The following IQCJ variants were observed in gnomAD, a reference collection of about 807,000 sequenced individuals.
IQCJ encodes the protein IQ motif containing J, also known as IQ domain-containing protein J.
A neutral mutation model predicts 11.0 loss-of-function variants in IQCJ; 9 were observed. The ratio of observed to expected loss-of-function variants is 0.82; its 90% CI spans 0.49 to 1.43. IQCJ has a LOEUF of 1.43. IQCJ is among the 40% of genes most tolerant of loss of function. The pLI, the probability that IQCJ is intolerant of heterozygous loss-of-function variation, is 0.00. For missense variants in IQCJ, 146 were observed against 133.2 expected (o/e 1.10, Z -0.47); for synonymous variants, 55 against 51.3 (o/e 1.07, Z -0.31).
At chr3:159,256,053 GCT>G (rs1257147212) in intron 3 of IQCJ, among the ~76,000 whole-genome samples, 31 of 152,286 alleles carry the variant, frequency 2.0e-4, no homozygotes, top group African/African-American at 7.5e-4. Context: ...GCCCCAACAG[GCT>G]GCTGCCCTCC....
intron 1 of IQCJ, among the ~76,000 whole-genome samples, chr3:159,125,647 G>C (rs746640789): frequency 1.3e-5 from 2 of 152,194 alleles, no homozygotes; most frequent in African/African-American, 4.8e-5. Flanking sequence ...AGGTCACAGA[G>C]CTGGAAATGG....
intron 1 of IQCJ, among the ~76,000 whole-genome samples, chr3:159,109,432 A>G (rs1351007552): frequency 6.6e-6 from 1 of 151,692 alleles, no homozygotes; most frequent in East Asian, 1.9e-4. Flanking sequence ...CTGCATTTTA[A>G]CTCACAAATA....
chr3:159,158,880 A>G (rs1721680975), intron 1 of IQCJ, among the ~76,000 whole-genome samples: 1 of 152,194 alleles, frequency 6.6e-6, no homozygotes, highest in Admixed American at 6.5e-5. Context: ...ATCTGTTTTA[A>G]TCAGGTATGG....
intron 1 of IQCJ, among the ~76,000 whole-genome samples, chr3:159,074,587 C>T (rs553105159): frequency 1.3e-5 from 2 of 152,198 alleles, no homozygotes; most frequent in African/African-American, 4.8e-5. Flanking sequence ...GCTCGTTCAA[C>T]TCCTCAAATT....
chr3:159,255,150 C>T (rs907096138), intron 3 of IQCJ, among the ~76,000 whole-genome samples: 3 of 152,206 alleles, frequency 2.0e-5, no homozygotes, highest in Non-Finnish European at 4.4e-5. Context: ...CAGGCTTTCT[C>T]TTAGGGTCTT....
intron 1 of IQCJ, among the ~76,000 whole-genome samples, chr3:159,205,373 G>A (rs955036071): frequency 4.6e-5 from 7 of 152,184 alleles, no homozygotes; most frequent in African/African-American, 7.2e-5. Context: ...CAGCATCAAT[G>A]TGTGACAACA....
chr3:159,121,100 C>T (rs1719350165), intron 1 of IQCJ, among the ~76,000 whole-genome samples: 1 of 151,896 alleles, frequency 6.6e-6, no homozygotes, highest in Non-Finnish European at 1.5e-5. Context: ...CCAGCCTATG[C>T]TGCAAGGGAG....
chr3:159,238,041 G>A (rs1457675688), intron 1 of IQCJ, among the ~76,000 whole-genome samples: 1 of 152,130 alleles, frequency 6.6e-6, no homozygotes, highest in Non-Finnish European at 1.5e-5. Context: ...GAAGAAGGAA[G>A]CATCTGGGGT....
chr3:159,231,812 G>C (rs1229260265), intron 1 of IQCJ, among the ~76,000 whole-genome samples: 2 of 152,158 alleles, frequency 1.3e-5, no homozygotes, highest in East Asian at 1.9e-4. Context: ...TTCAGAGCTT[G>C]TTATTGGTCT....
chr3:159,127,351 T>C (rs1719735661), intron 1 of IQCJ, among the ~76,000 whole-genome samples: 1 of 152,172 alleles, frequency 6.6e-6, no homozygotes, highest in Admixed American at 6.5e-5. Context: ...TGTGGAAAGT[T>C]GGGCCAGAAA....
At chr3:159,234,790 G>A (rs1257343759) in intron 1 of IQCJ, among the ~76,000 whole-genome samples, 1 of 152,038 alleles carries the variant, frequency 6.6e-6, no homozygotes, top group Non-Finnish European at 1.5e-5. Context: ...AGGGCTGCAG[G>A]GCATTTTAGG....
intron 1 of IQCJ, among the ~76,000 whole-genome samples, chr3:159,103,200 A>G (rs1381474677): frequency 3.9e-5 from 6 of 152,188 alleles, no homozygotes; most frequent in Non-Finnish European, 7.4e-5. Flanking sequence ...TATAAACGTA[A>G]TGTTTAATGT....
intron 1 of IQCJ, among the ~76,000 whole-genome samples, chr3:159,242,809 C>T (rs1401190240): frequency 6.6e-6 from 1 of 151,626 alleles, no homozygotes; most frequent in Non-Finnish European, 1.5e-5. Flanking sequence ...TACTAAATAA[C>T]AAAAATAAAG....
At position 159,160,385 on chromosome 3, in the gene IQCJ, C is replaced by A. The variant is rs374295637; in HGVS notation, c.10-85458C>A. Among the ~76,000 whole-genome samples, 35 of 150,842 alleles carry A rather than the reference C, an allele frequency of 2.3e-4. No homozygotes were observed. In the East Asian group the frequency reaches 6.3e-3, roughly 27 times the overall value. On this transcript the variant is annotated intron_variant, in intron 1 of 3. Transcript: ENST00000397832. ...TGGTGTGATCTCGGCTCACTGCAACCTCTGCCTCTGGGGTTCAAGCCATTC... is the reference window on the plus strand; with the variant it reads ...TGGTGTGATCTCGGCTCACTGCAACATCTGCCTCTGGGGTTCAAGCCATTC...
chr3:159,142,118 A>G (rs1027435390), intron 1 of IQCJ, among the ~76,000 whole-genome samples: 5 of 152,160 alleles, frequency 3.3e-5, no homozygotes, highest in African/African-American at 4.8e-5. Flanking sequence ...TGTTTCCTCC[A>G]TTTGAACAGC....
chr3:159,167,124 T>A (rs1722213920), intron 1 of IQCJ, among the ~76,000 whole-genome samples: 1 of 152,210 alleles, frequency 6.6e-6, no homozygotes, highest in Non-Finnish European at 1.5e-5. Flanking sequence ...CACCCAACAT[T>A]CCTGTTGCCC....
chr3:159,212,490 C>A (rs1258205151), intron 1 of IQCJ, among the ~76,000 whole-genome samples: 2 of 152,174 alleles, frequency 1.3e-5, no homozygotes, highest in Non-Finnish European at 2.9e-5. Flanking sequence ...TAAGACTAGG[C>A]TAAGAAATTA....
chr3:159,236,494 C>T (rs2108168315), intron 1 of IQCJ, among the ~76,000 whole-genome samples: 1 of 152,270 alleles, frequency 6.6e-6, no homozygotes, highest in African/African-American at 2.4e-5. Context: ...GTTATTTCAA[C>T]AGAGGTTTGG....
At chr3:159,085,908 G>A (rs1322850303) in intron 1 of IQCJ, among the ~76,000 whole-genome samples, 2 of 150,866 alleles carry the variant, frequency 1.3e-5, no homozygotes, top group East Asian at 1.9e-4. Flanking sequence ...CTGTGCAGAA[G>A]CTCTTTAGTT....
Sources: allele counts gnomAD v4.1 joint callset (sites outside exome capture counted in the v4.1 genomes callset), GRCh38; gene constraint gnomAD v4.1.1; transcripts MANE v1.5; gene names NCBI Gene and HGNC (gene_info 2026-07-23, HGNC 2026-07-21).